CADM2: variants seen among roughly 807,000 people sequenced by gnomAD.
CADM2 encodes the protein immunoglobulin superfamily member 4D.
Under a neutral mutation model 49.8 loss-of-function variants are expected in CADM2, and 12 were observed. The observed-to-expected ratio is 0.24, with a 90% CI of 0.15 to 0.39. The LOEUF (loss-of-function observed/expected upper bound fraction) is 0.39. Among genes scored for constraint, CADM2 ranks in the 10% least tolerant of loss-of-function variants. The pLI is 1.00. For missense variants in CADM2, 378 were observed against 492.3 expected, an observed-to-expected ratio of 0.77 and a Z score of 2.20; for synonymous variants, 214 against 175.4, an observed-to-expected ratio of 1.22 and a Z score of -1.74.
At chr3:85,419,296 T>A (rs62250686) in intron 1 of CADM2, among the ~76,000 whole-genome samples, 85,744 of 141,602 alleles carry the variant, frequency 0.61, 25,237 homozygotes, top group East Asian at 0.84. Context: ...TCTACTAAAA[T>A]TACAAAAAAA....
chr3:85,089,030 T>A (rs1285443376), intron 1 of CADM2, among the ~76,000 whole-genome samples: 1 of 152,242 alleles, frequency 6.6e-6, no homozygotes, highest in Non-Finnish European at 1.5e-5. Context: ...CAGTAATTCA[T>A]GATCTGGAGC....
At chr3:85,459,742 CCATT>C (rs2107586387) in intron 1 of CADM2, among the ~76,000 whole-genome samples, 1 of 152,234 alleles carries the variant, frequency 6.6e-6, no homozygotes, top group East Asian at 1.9e-4. Context: ...TATTGTATTG[CCATT>C]CATGGCTTGC....
At position 85,571,644 on chromosome 3, in the gene CADM2, A is replaced by C. The variant is rs549529103; in HGVS notation, c.62-154878A>C. 2.6e-5 allele frequency among the ~76,000 whole-genome samples: 4 copies of C among 152,290 alleles called. No homozygotes were observed. The East Asian group carries it at 7.7e-4, about 29-fold the overall frequency. On this transcript the variant is annotated intron_variant, in intron 1 of 9. Transcript: ENST00000383699. ...ACATTGAATTCTTACTCTCTAAGCTAAACTTATTTTTCTCATGCTTTGTTG... is the reference window on the plus strand; with the variant it reads ...ACATTGAATTCTTACTCTCTAAGCTCAACTTATTTTTCTCATGCTTTGTTG...
intron 1 of CADM2, among the ~76,000 whole-genome samples, chr3:85,103,236 T>C (rs1371928951): frequency 6.6e-6 from 1 of 152,156 alleles, no homozygotes; most frequent in East Asian, 1.9e-4. Flanking sequence ...ATGACTCGAT[T>C]GATGGTTTCC....
At chr3:85,652,147 T>C (rs142084847) in intron 1 of CADM2, among the ~76,000 whole-genome samples, 164 of 152,116 alleles carry the variant, frequency 1.1e-3, no homozygotes, top group African/African-American at 3.2e-3. Context: ...ACTTAAGATG[T>C]CAGTCTCGTT....
chr3:85,367,549 C>T (rs2032874593), intron 1 of CADM2, among the ~76,000 whole-genome samples: 1 of 151,568 alleles, frequency 6.6e-6, no homozygotes, highest in South Asian at 2.1e-4. Flanking sequence ...AAATGCCTGA[C>T]ACAAAATAAG....
At chr3:85,506,057 TATA>T (rs1337901537) in intron 1 of CADM2, among the ~76,000 whole-genome samples, 3 of 152,212 alleles carry the variant, frequency 2.0e-5, no homozygotes, top group South Asian at 2.1e-4. Context: ...AAACTTGCAT[TATA>T]ATACTACTGC....
intron 1 of CADM2, among the ~76,000 whole-genome samples, chr3:85,501,611 A>C (rs988432287): frequency 5.9e-5 from 9 of 152,138 alleles, no homozygotes; most frequent in Admixed American, 2.6e-4. Flanking sequence ...AAATTACTAG[A>C]AGAGAATAAC....
chr3:85,218,145 A>G (rs1014415702), intron 1 of CADM2, among the ~76,000 whole-genome samples: 7 of 152,088 alleles, frequency 4.6e-5, no homozygotes, highest in African/African-American at 1.7e-4. Context: ...TGTAAAATAC[A>G]GAGTCTTTTT....
intron 1 of CADM2, among the ~76,000 whole-genome samples, chr3:85,065,097 A>AT (rs906816128): frequency 4.6e-5 from 7 of 152,070 alleles, no homozygotes; most frequent in Non-Finnish European, 1.0e-4. Context: ...GATAATACTA[A>AT]TTTTTTTCCC....
At chr3:85,324,440 C>T (rs2107120456) in intron 1 of CADM2, among the ~76,000 whole-genome samples, 1 of 152,206 alleles carries the variant, frequency 6.6e-6, no homozygotes, top group East Asian at 1.9e-4. Flanking sequence ...TGAATTTTAA[C>T]AAGGACTCTG....
intron 1 of CADM2, among the ~76,000 whole-genome samples, chr3:85,531,765 T>TA (rs1358175759): frequency 2.0e-5 from 3 of 152,058 alleles, no homozygotes; most frequent in Non-Finnish European, 4.4e-5. Flanking sequence ...GGTAGAAAAA[T>TA]AAAAAAGTAT....
chr3:85,818,439 T>C (rs900747857), intron 3 of CADM2, among the ~76,000 whole-genome samples: 2 of 152,174 alleles, frequency 1.3e-5, no homozygotes, highest in South Asian at 2.1e-4. Context: ...CAGCTACTTA[T>C]ACTGGCAGCT....
At chr3:85,879,772 G>A (rs78922296) in intron 3 of CADM2, among the ~76,000 whole-genome samples, 5,094 of 152,216 alleles carry the variant, frequency 0.033, 288 homozygotes, top group African/African-American at 0.12. Context: ...ACATCACAAC[G>A]AGGAAATTGA....
intron 1 of CADM2, among the ~76,000 whole-genome samples, chr3:85,169,424 T>A (rs886129074): frequency 9.9e-5 from 15 of 152,228 alleles, no homozygotes; most frequent in Admixed American, 4.6e-4. Context: ...GTAAATTAAA[T>A]GTATTATCTG....
chr3:85,981,468 T>G (rs1727479203), intron 8 of CADM2, among the ~76,000 whole-genome samples: 1 of 151,486 alleles, frequency 6.6e-6, no homozygotes, highest in Non-Finnish European at 1.5e-5. Flanking sequence ...GTAGTAAGCA[T>G]AGTATGTGAT....
chr3:85,188,350 C>T (rs1418232646), intron 1 of CADM2, among the ~76,000 whole-genome samples: 1 of 152,096 alleles, frequency 6.6e-6, no homozygotes, highest in South Asian at 2.1e-4. Context: ...ATGTTTCTAT[C>T]AAATGAGCCT....
chr3:85,336,982 A>AT (rs1280213005), intron 1 of CADM2, among the ~76,000 whole-genome samples: 1 of 55,756 alleles, frequency 1.8e-5, no homozygotes, highest in Non-Finnish European at 3.9e-5. Flanking sequence ...TATATTTAAT[A>AT]TATATATATT....
chr3:85,212,884 T>G (rs13088250), intron 1 of CADM2, among the ~76,000 whole-genome samples: 3 of 78,606 alleles, frequency 3.8e-5, no homozygotes, highest in Admixed American at 1.4e-4. Context: ...CTTTCTTTCT[T>G]TCTCTTTCTT....
Sources: allele counts gnomAD v4.1 joint callset (sites outside exome capture counted in the v4.1 genomes callset), GRCh38; gene constraint gnomAD v4.1.1; transcripts MANE v1.5; gene names NCBI Gene and HGNC (gene_info 2026-07-23, HGNC 2026-07-21).